The following GRIK1 variants were observed in gnomAD, a reference collection of about 807,000 sequenced individuals.
GRIK1 encodes the protein glutamate ionotropic receptor kainate type subunit 1.
GRIK1 carries 69 observed loss-of-function variants against 105.7 expected under a neutral mutation model. The observed-to-expected ratio is 0.65, with a 90% CI of 0.54 to 0.80. The LOEUF (loss-of-function observed/expected upper bound fraction) is 0.80. GRIK1 is among the 30% of genes least tolerant of loss of function. The pLI, the probability that GRIK1 is intolerant of heterozygous loss-of-function variation, is 0.00. For missense variants in GRIK1, 1,109 were observed against 1,167.3 expected (o/e 0.95, Z 0.73); for synonymous variants, 438 against 431.3 (o/e 1.02, Z -0.19).
At chr21:29,643,406 G>T (rs1164835324) in intron 6 of GRIK1, among the ~76,000 whole-genome samples, 1 of 152,204 alleles carries the variant, frequency 6.6e-6, no homozygotes, top group Admixed American at 6.5e-5. Flanking sequence ...TTGGTAGAAA[G>T]AAACTGCTAC....
At chr21:29,562,514 G>C (rs1405562558) in intron 14 of GRIK1, among the ~76,000 whole-genome samples, 1 of 152,112 alleles carries the variant, frequency 6.6e-6, no homozygotes, top group African/African-American at 2.4e-5. Flanking sequence ...AATTAGCCAG[G>C]TGTCGTGGCA....
intron 1 of GRIK1, among the ~76,000 whole-genome samples, chr21:29,755,965 C>T (rs896670281): frequency 6.6e-6 from 1 of 152,074 alleles, no homozygotes; most frequent in Admixed American, 6.6e-5. Context: ...TGATTGAGGC[C>T]ATGGTTATTA....
chr21:29,609,690 A>G (rs2061691062), intron 7 of GRIK1, among the ~76,000 whole-genome samples: 2 of 152,106 alleles, frequency 1.3e-5, no homozygotes, highest in Admixed American at 6.6e-5. Context: ...CTCATCTTCT[A>G]CTACCCTCAT....
At chr21:29,744,967 A>G (rs533583747) in intron 1 of GRIK1, among the ~76,000 whole-genome samples, 20 of 152,250 alleles carry the variant, frequency 1.3e-4, no homozygotes, top group African/African-American at 4.8e-4. Flanking sequence ...AATGATCCCC[A>G]CCTTCTGGCA....
chr21:29,662,935 T>C (rs80279625), intron 4 of GRIK1, among the ~76,000 whole-genome samples: 7,358 of 152,220 alleles, frequency 0.048, 218 homozygotes, highest in Admixed American at 0.1. Flanking sequence ...GTGATACTTA[T>C]GTACAGCCAG....
At chr21:29,862,756 A>C (rs2068687648) in intron 1 of GRIK1, among the ~76,000 whole-genome samples, 1 of 152,238 alleles carries the variant, frequency 6.6e-6, no homozygotes, top group Non-Finnish European at 1.5e-5. Flanking sequence ...TATGCTTTTA[A>C]TGAACCCCTT....
chr21:29,638,448 G>C (rs7277926), intron 7 of GRIK1, among the ~76,000 whole-genome samples: 73,357 of 151,984 alleles, frequency 0.48, 20,181 homozygotes, highest in African/African-American at 0.77. Flanking sequence ...GTGAGGATAT[G>C]AATTCGAGAT....
chr21:29,864,149 T>C (rs1199701810), intron 1 of GRIK1, among the ~76,000 whole-genome samples: 2 of 152,106 alleles, frequency 1.3e-5, no homozygotes, highest in East Asian at 3.8e-4. Flanking sequence ...TTGTGAAGAC[T>C]GTGTTTGTGA....
chr21:29,593,734 T>C (rs772551197), intron 9 of GRIK1, among the ~76,000 whole-genome samples: 24 of 152,246 alleles, frequency 1.6e-4, no homozygotes, highest in Non-Finnish European at 3.1e-4. Flanking sequence ...TTAAATCTTA[T>C]TTCTATTAAT....
chr21:29,581,579 G>T (rs138096826), intron 12 of GRIK1, 36 bp from the exon 13 acceptor site: 2 of 1,257,302 alleles, frequency 1.6e-6, no homozygotes, highest in Non-Finnish European at 2.3e-6. Context: ...GTAAATATCA[G>T]AGAAACACAC....
intron 1 of GRIK1, among the ~76,000 whole-genome samples, chr21:29,817,084 G>A (rs1357310714): frequency 6.6e-6 from 1 of 152,032 alleles, no homozygotes; most frequent in African/African-American, 2.4e-5. Flanking sequence ...ATAAAAAAAT[G>A]ATAATCTGGA....
At chr21:29,566,138 A>T (rs537415142) in intron 14 of GRIK1, among the ~76,000 whole-genome samples, 5 of 152,356 alleles carry the variant, frequency 3.3e-5, no homozygotes, top group Non-Finnish European at 5.9e-5. Context: ...CATACATATT[A>T]AAAGACCAGG....
At chr21:29,633,133 C>T (rs1222622936) in intron 7 of GRIK1, among the ~76,000 whole-genome samples, 5 of 152,204 alleles carry the variant, frequency 3.3e-5, no homozygotes, top group East Asian at 1.9e-4. Flanking sequence ...CATGTGGAAA[C>T]ACAGCAAGAA....
At chr21:29,782,248 G>A (rs2066140080) in intron 1 of GRIK1, among the ~76,000 whole-genome samples, 1 of 151,280 alleles carries the variant, frequency 6.6e-6, no homozygotes, top group African/African-American at 2.4e-5. Context: ...CACCAAGCCT[G>A]GCTAATTTTT....
Position 29,673,105 on chromosome 21 carries a change from T to G in GRIK1, c.604A>C (p.Ile202Leu), listed in dbSNP as rs773450805. ...TTATTCCCAGAGGGCAGCTGGCGGA[T>G]TTTGATTTTAATATTATATCTGGAG... ...APSRYNIKIK[I>L]RQLPSGNKDA... The change falls in exon 4 of 18, where the codon ATC becomes CTC. Residue 202 changes from isoleucine (I) to leucine (L), a missense_variant. This residue lies in a region of GRIK1 where 612 missense variants were observed against 586.0 expected (regional missense o/e 1.04). Coordinates refer to ENST00000327783, the MANE Select transcript of GRIK1 (RefSeq NM_001330994.2). The G allele has an allele frequency of 5.6e-6, 9 of 1,612,488 alleles. No homozygotes were observed. The highest frequency in any genetic ancestry group is 7.6e-6 in the Non-Finnish European group (9 of 1,178,730).
chr21:29,617,607 G>C (rs1192380849), intron 7 of GRIK1, among the ~76,000 whole-genome samples: 7 of 152,210 alleles, frequency 4.6e-5, no homozygotes, highest in Admixed American at 4.6e-4. Flanking sequence ...AGAAGCGCTT[G>C]CATCTAAACA....
chr21:29,849,863 G>A (rs141316472), intron 1 of GRIK1, among the ~76,000 whole-genome samples: 1 of 152,222 alleles, frequency 6.6e-6, no homozygotes, highest in East Asian at 1.9e-4. Flanking sequence ...AGAGCGGCTT[G>A]CTGCTCTGAT....
At chr21:29,830,210 T>C (rs1319515421) in intron 1 of GRIK1, among the ~76,000 whole-genome samples, 2 of 152,092 alleles carry the variant, frequency 1.3e-5, no homozygotes, top group East Asian at 1.9e-4. Context: ...TGTATGTTTG[T>C]ATGTGTGTGA....
At chr21:29,723,521 C>G (rs2064377012) in intron 1 of GRIK1, among the ~76,000 whole-genome samples, 1 of 152,130 alleles carries the variant, frequency 6.6e-6, no homozygotes, top group Non-Finnish European at 1.5e-5. Flanking sequence ...CTTATTGAAA[C>G]AAATAGATAA....
Sources: allele counts gnomAD v4.1 joint callset (sites outside exome capture counted in the v4.1 genomes callset), GRCh38; gene constraint gnomAD v4.1.1; regional missense constraint gnomAD v4.1.1; transcripts MANE v1.5; gene names NCBI Gene and HGNC (gene_info 2026-07-23, HGNC 2026-07-21).